CNTNAP3: variants seen among roughly 807,000 people sequenced by gnomAD.
The protein encoded by CNTNAP3 is contactin associated protein family member 3.
CNTNAP3 carries 36 observed loss-of-function variants against 92.1 expected under a neutral mutation model. That is an observed-to-expected ratio of 0.39 (90% CI 0.30 to 0.52). The LOEUF (loss-of-function observed/expected upper bound fraction) is 0.52. Ranked by LOEUF, CNTNAP3 falls within the 20% of genes least tolerant of loss-of-function variation. CNTNAP3 has a pLI of 0.76. For synonymous variants in CNTNAP3, 232 were observed against 422.3 expected (o/e 0.55, Z 5.53); for missense variants, 534 against 1,069.6 (o/e 0.50, Z 6.98).
At chr9:39,140,374 T>C (rs1821546186) in intron 12 of CNTNAP3, 145 bp downstream of exon 12, 1 of 1,329,922 alleles carries the variant, frequency 7.5e-7, no homozygotes, top group African/African-American at 1.5e-5. Flanking sequence ...GAAAATTTTG[T>C]TGACAACAAA....
intron 23 of CNTNAP3, among the ~76,000 whole-genome samples, chr9:39,076,006 T>A (rs1825752015): frequency 1.3e-5 from 2 of 152,304 alleles, no homozygotes; most frequent in African/African-American, 4.8e-5. Context: ...CCAGTCCCTA[T>A]TAGAAAATGC....
intron 13 of CNTNAP3, among the ~76,000 whole-genome samples, chr9:39,119,342 C>G (rs1436184578): frequency 1.4e-5 from 2 of 143,216 alleles, no homozygotes; most frequent in African/African-American, 5.4e-5. Context: ...CTATCCATCA[C>G]CTGCCCCTCT....
At chr9:39,086,371 T>G in intron 20 of CNTNAP3, 1 of 288,788 alleles carries the variant, frequency 3.5e-6, no homozygotes. Flanking sequence ...AAGTTCCCAC[T>G]GCAGTATCAA....
At chr9:39,098,255 A>T (rs78068110) in intron 18 of CNTNAP3, among the ~76,000 whole-genome samples, 8 of 142,304 alleles carry the variant, frequency 5.6e-5, no homozygotes, top group African/African-American at 2.1e-4. Flanking sequence ...TTTTAATTTT[A>T]TATCAAGTTA....
At chr9:39,149,677 A>G (rs1182283628) in intron 10 of CNTNAP3, 129 bp downstream of exon 10, 1 of 1,134,312 alleles carries the variant, frequency 8.8e-7, no homozygotes, top group African/African-American at 1.6e-5. Flanking sequence ...AGTAATTATG[A>G]CTATTTCATT....
rs1273234560 is a variant in CNTNAP3, at chr9:39,104,038, G to A, written c.2366-124C>T. On this transcript the variant is annotated intron_variant, in intron 15 of 23. Transcript: ENST00000297668. ...AATAGAATCTATATGAGCTTTCACT[G>A]GGGGTTCTGAGCATCCATGTCATAT... 6.9e-6 allele frequency: 10 copies of A among 1,458,672 alleles called. No individual in the cohort carries two copies. The East Asian group carries it at 1.4e-4, about 21-fold the overall frequency. The allele number at this position is 1,458,672 out of a possible 1,614,324, so 90.4% of individuals were successfully genotyped here.
chr9:39,146,802 C>A (rs1821713218), intron 10 of CNTNAP3, among the ~76,000 whole-genome samples: 1 of 152,152 alleles, frequency 6.6e-6, no homozygotes, highest in Admixed American at 6.5e-5. Context: ...AAAATTTTGA[C>A]TAAAAAAGAT....
chr9:39,131,490 C>G (rs1391118466), intron 13 of CNTNAP3, among the ~76,000 whole-genome samples: 2 of 151,562 alleles, frequency 1.3e-5, no homozygotes, highest in Non-Finnish European at 2.9e-5. Flanking sequence ...TGGGAAGGGA[C>G]CCAGATGCCG....
chr9:39,099,795 C>T, intron 18 of CNTNAP3, 116 bp downstream of exon 18: 1 of 1,252,288 alleles, frequency 8.0e-7, no homozygotes, highest in Non-Finnish European at 1.1e-6. Flanking sequence ...AGAAATTATT[C>T]CATTTCAAAT....
chr9:39,157,698 GA>G (rs889981934), intron 9 of CNTNAP3, among the ~76,000 whole-genome samples: 1 of 17,164 alleles, frequency 5.8e-5, no homozygotes, highest in Non-Finnish European at 1.1e-4. Flanking sequence ...AAGGATTCTG[GA>G]AAAAAAAATA....
chr9:39,096,082 G>GT lies in CNTNAP3; in HGVS notation c.2995+3828dup, dbSNP rs1466268006. ...TGCTCCCATCTGTCTCCTCTGTGCT[G>GT]TTTTTTTGTAATATATTTCTATAGG... On this transcript the variant is annotated intron_variant, in intron 18 of 23. Transcript: ENST00000297668. Among the ~76,000 whole-genome samples the GT allele has an allele frequency of 9.9e-5, 9 of 90,496 alleles. 1 individual carries two copies. The highest frequency in any genetic ancestry group is 1.9e-4 in the Admixed American group (2 of 10,768). 59.4% of individuals were successfully genotyped at this position (90,496 alleles called of 152,430 possible). A position where few individuals can be genotyped will look rare whatever the true frequency, so the allele number is the denominator to read the frequency against.
At chr9:39,142,666 C>T (rs1035525115) in intron 11 of CNTNAP3, among the ~76,000 whole-genome samples, 36 of 140,870 alleles carry the variant, frequency 2.6e-4, no homozygotes, top group African/African-American at 8.5e-4. Context: ...AGCAAGACTC[C>T]GTCTCAAAAA....
intron 21 of CNTNAP3, among the ~76,000 whole-genome samples, chr9:39,081,415 G>T (rs556207624): frequency 6.6e-6 from 1 of 151,112 alleles, no homozygotes; most frequent in Non-Finnish European, 1.5e-5. Flanking sequence ...TCAACTTCGG[G>T]GTCCTGCACC....
chr9:39,147,394 A>C (rs1259794696), intron 10 of CNTNAP3, among the ~76,000 whole-genome samples: 2 of 152,190 alleles, frequency 1.3e-5, no homozygotes, highest in Non-Finnish European at 2.9e-5. Context: ...CAGCAAAGGT[A>C]TTTAATTTTA....
intron 23 of CNTNAP3, among the ~76,000 whole-genome samples, chr9:39,075,293 G>A (rs886527251): frequency 1.3e-5 from 2 of 151,088 alleles, no homozygotes; most frequent in African/African-American, 4.9e-5. Flanking sequence ...GGAAGGCCTG[G>A]ATACCAGTAT....
chr9:39,123,907 C>A (rs2118000344), intron 13 of CNTNAP3, among the ~76,000 whole-genome samples: 1 of 151,584 alleles, frequency 6.6e-6, no homozygotes, highest in South Asian at 2.1e-4. Context: ...CTCCAGTAGA[C>A]CTACCTTGCA....
At chr9:39,089,945 T>G (rs1288023765) in intron 18 of CNTNAP3, among the ~76,000 whole-genome samples, 1 of 152,162 alleles carries the variant, frequency 6.6e-6, no homozygotes. Flanking sequence ...TTTGTTTTTA[T>G]TTTTGTTTTC....
intron 17 of CNTNAP3, 28 bp from the exon 18 acceptor site, chr9:39,100,178 T>C (rs769063096): frequency 6.6e-7 from 1 of 1,519,318 alleles, no homozygotes; most frequent in East Asian, 2.3e-5. Flanking sequence ...CAAATAGAAA[T>C]GTGTTCCTTG....
chr9:39,152,771 T>C (rs1258146692), intron 9 of CNTNAP3, among the ~76,000 whole-genome samples: 1 of 137,086 alleles, frequency 7.3e-6, no homozygotes, highest in Non-Finnish European at 1.5e-5. Flanking sequence ...TTCTCCTGCC[T>C]CAGCCTCCCG....
Sources: allele counts gnomAD v4.1 joint callset (sites outside exome capture counted in the v4.1 genomes callset), GRCh38; gene constraint gnomAD v4.1.1; transcripts MANE v1.5; gene names NCBI Gene and HGNC (gene_info 2026-07-23, HGNC 2026-07-21).